The following ZNF365 variants were observed in gnomAD, a reference collection of about 807,000 sequenced individuals.
ZNF365 encodes the protein zinc finger protein 365.
In ZNF365, 22 loss-of-function variants were observed where a neutral mutation model predicts 35.0. That is an observed-to-expected ratio of 0.63 (90% CI 0.45 to 0.90). The LOEUF (loss-of-function observed/expected upper bound fraction) is 0.90. Among genes scored for constraint, ZNF365 ranks in the 40% least tolerant of loss-of-function variants. The probability of loss-of-function intolerance (pLI) is 0.00; values close to 1 mark genes in which losing one functional copy is unlikely to be tolerated. For synonymous variants in ZNF365, 188 were observed against 196.2 expected (o/e 0.96, Z 0.35); for missense variants, 448 against 500.3 (o/e 0.90, Z 1.00).
chr10:62,436,640 T>C (rs933549028), intron 3 of ZNF365, among the ~76,000 whole-genome samples: 1 of 152,216 alleles, frequency 6.6e-6, no homozygotes, highest in African/African-American at 2.4e-5. Context: ...GCCTTTTGAA[T>C]CTTGCCAGCA....
At chr10:62,403,954 T>C (rs72829060), downstream of ZNF365, among the ~76,000 whole-genome samples, 12,134 of 152,286 alleles carry the variant, frequency 0.08, 551 homozygotes, top group South Asian at 0.13. Context: ...GATGAAGAGC[T>C]TTAGAAATTG....
intron 4 of ZNF365, among the ~76,000 whole-genome samples, chr10:62,464,119 T>C (rs1181109224): frequency 2.0e-5 from 3 of 152,184 alleles, no homozygotes; most frequent in Non-Finnish European, 4.4e-5. Context: ...TAAATACATG[T>C]GTAAGCCTCA....
intron 3 of ZNF365, among the ~76,000 whole-genome samples, chr10:62,439,694 A>G (rs773203172): frequency 6.6e-6 from 1 of 152,234 alleles, no homozygotes; most frequent in Non-Finnish European, 1.5e-5. Flanking sequence ...ATGTCAACCC[A>G]GTGACCTTGA....
chr10:62,450,004 G>A (rs1455545838), intron 3 of ZNF365, among the ~76,000 whole-genome samples: 2 of 151,660 alleles, frequency 1.3e-5, no homozygotes, highest in African/African-American at 4.9e-5. Context: ...TGGGTGCAGT[G>A]ACTCACACCT....
At chr10:62,449,164 G>T (rs535272498) in intron 3 of ZNF365, among the ~76,000 whole-genome samples, 2 of 152,090 alleles carry the variant, frequency 1.3e-5, no homozygotes, top group Non-Finnish European at 1.5e-5. Context: ...TTAGATTTTT[G>T]GTTCTTGCTT....
At chr10:62,460,382 A>G (rs1840828058) in intron 4 of ZNF365, among the ~76,000 whole-genome samples, 1 of 152,252 alleles carries the variant, frequency 6.6e-6, no homozygotes, top group Non-Finnish European at 1.5e-5. Context: ...TCTTATAAAT[A>G]CATACCTGTG....
intron 4 of ZNF365, among the ~76,000 whole-genome samples, chr10:62,474,231 G>T (rs1014923309): frequency 1.3e-5 from 2 of 152,190 alleles, no homozygotes; most frequent in African/African-American, 4.8e-5. Context: ...TTCCATGAAA[G>T]ATATGGCCAT....
intron 3 of ZNF365, among the ~76,000 whole-genome samples, chr10:62,452,814 C>G (rs989754638): frequency 6.6e-6 from 1 of 152,200 alleles, no homozygotes; most frequent in African/African-American, 2.4e-5. Context: ...TGTTAGTAGA[C>G]AAGTAGAAAT....
At chr10:62,411,162 G>C (rs1274400010) in intron 3 of ZNF365, among the ~76,000 whole-genome samples, 2 of 152,100 alleles carry the variant, frequency 1.3e-5, no homozygotes, top group African/African-American at 2.4e-5. Context: ...TAAGTTCCTT[G>C]TGGACTCTGG....
chr10:62,395,504 A>ATTTTTTTTTTTTTTTTTTTT (rs67866839), intron 3 of ZNF365, among the ~76,000 whole-genome samples: 2 of 98,466 alleles, frequency 2.0e-5, no homozygotes. Context: ...CACCCGGCTA[A>ATTTTTTTTTTTTTTTTTTTT]TTTTTTTTTT....
chr10:62,424,038 T>A (rs1404210642), intron 3 of ZNF365, among the ~76,000 whole-genome samples: 1 of 152,084 alleles, frequency 6.6e-6, no homozygotes. Flanking sequence ...AAGAAAAAAA[T>A]TAGACCTTAT....
At chr10:62,474,092 C>G (rs115672948) in intron 4 of ZNF365, among the ~76,000 whole-genome samples, 2,826 of 152,300 alleles carry the variant, frequency 0.019, 92 homozygotes, top group African/African-American at 0.065. Flanking sequence ...TTTGAAAGAA[C>G]AAGTAGAGTG....
At chr10:62,439,411 A>G (rs1840458861) in intron 3 of ZNF365, among the ~76,000 whole-genome samples, 1 of 151,806 alleles carries the variant, frequency 6.6e-6, no homozygotes, top group Non-Finnish European at 1.5e-5. Context: ...ATGTTGACTC[A>G]CTACCTAACA....
rs536683184 is a variant in ZNF365 at position 62,479,026 on chromosome 10, G to T, written c.982-850G>T. ...TTTTGAAATATGCCTCTCTAGACATGTTTAATTTCTAGTACCTTGCATCTA... is the reference window on the plus strand; with the variant it reads ...TTTTGAAATATGCCTCTCTAGACATTTTTAATTTCTAGTACCTTGCATCTA... On this transcript the variant is annotated intron_variant, in intron 4 of 4. Coordinates refer to the ZNF365 transcript ENST00000395255. Among the ~76,000 whole-genome samples the T allele has an allele frequency of 2.0e-5, 3 of 152,282 alleles. No homozygotes were observed. In the South Asian group the frequency reaches 6.2e-4, roughly 32 times the overall value.
intron 4 of ZNF365, among the ~76,000 whole-genome samples, chr10:62,474,247 G>A (rs1183724504): frequency 6.6e-6 from 1 of 152,184 alleles, no homozygotes; most frequent in Non-Finnish European, 1.5e-5. Flanking sequence ...GCCATCCAGA[G>A]CAGGGCACAC....
downstream of ZNF365, among the ~76,000 whole-genome samples, chr10:62,406,893 C>A (rs773266188): frequency 5.3e-5 from 8 of 152,204 alleles, no homozygotes; most frequent in Non-Finnish European, 1.2e-4. Flanking sequence ...TGCTCCAGCA[C>A]CTAGCACTGG....
chr10:62,460,044 A>G (rs1352077997), intron 4 of ZNF365, among the ~76,000 whole-genome samples: 1 of 152,150 alleles, frequency 6.6e-6, no homozygotes, highest in Non-Finnish European at 1.5e-5. Flanking sequence ...TTTTAACTGA[A>G]TAGTACCAGA....
At chr10:62,459,055 T>TTTG (rs1404478685) in intron 3 of ZNF365, among the ~76,000 whole-genome samples, 1 of 152,238 alleles carries the variant, frequency 6.6e-6, no homozygotes, top group Non-Finnish European at 1.5e-5. Context: ...TAAATATTTA[T>TTTG]TTGTTACTGT....
chr10:62,452,462 T>G (rs1174083200), intron 3 of ZNF365, among the ~76,000 whole-genome samples: 4 of 152,242 alleles, frequency 2.6e-5, no homozygotes, highest in Admixed American at 2.6e-4. Flanking sequence ...TGACCAAGGT[T>G]GAAAGAATCT....
Sources: allele counts gnomAD v4.1 joint callset (sites outside exome capture counted in the v4.1 genomes callset), GRCh38; gene constraint gnomAD v4.1.1; transcripts MANE v1.5; gene names NCBI Gene and HGNC (gene_info 2026-07-23, HGNC 2026-07-21).